Variants in ATRNL1 observed in about 807,000 individuals in gnomAD.
ATRNL1 encodes attractin-like protein 1.
ATRNL1 carries 95 observed loss-of-function variants against 182.7 expected under a neutral mutation model. The ratio of observed to expected loss-of-function variants is 0.52; its 90% confidence interval spans 0.44 to 0.62. ATRNL1 has a LOEUF of 0.62. Among genes scored for constraint, ATRNL1 ranks in the 20% least tolerant of loss-of-function variants. The pLI, the probability that ATRNL1 is intolerant of heterozygous loss-of-function variation, is 0.00. For missense variants in ATRNL1, 1,471 were observed against 1,679.5 expected (o/e 0.88, Z 2.17); for synonymous variants, 576 against 568.3 (o/e 1.01, Z -0.19).
At chr10:115,676,770 A>G (rs1945876686) in intron 26 of ATRNL1, among the ~76,000 whole-genome samples, 1 of 151,942 alleles carries the variant, frequency 6.6e-6, no homozygotes, top group African/African-American at 2.4e-5. Flanking sequence ...AACAGTGGAG[A>G]AAGACGGACA....
intron 27 of ATRNL1, among the ~76,000 whole-genome samples, chr10:115,728,124 A>AG (rs1565324525): frequency 1.4e-5 from 1 of 69,802 alleles, no homozygotes; most frequent in East Asian, 3.8e-4. Context: ...AAAAAAAAAA[A>AG]AAAGAAAAAA....
chr10:115,849,164 C>A (rs1555099823), intron 28 of ATRNL1, among the ~76,000 whole-genome samples: 1 of 152,180 alleles, frequency 6.6e-6, no homozygotes, highest in African/African-American at 2.4e-5. Flanking sequence ...GCAGAAATTT[C>A]TATCCAAAGT....
At chr10:115,733,242 T>C (rs952353544) in intron 27 of ATRNL1, among the ~76,000 whole-genome samples, 6 of 152,294 alleles carry the variant, frequency 3.9e-5, no homozygotes, top group African/African-American at 7.2e-5. Context: ...TCTCTGTATA[T>C]ATTTTAACTA....
chr10:115,722,076 A>T (rs1283709196), intron 26 of ATRNL1, among the ~76,000 whole-genome samples: 1 of 152,238 alleles, frequency 6.6e-6, no homozygotes, highest in Non-Finnish European at 1.5e-5. Context: ...TTTGCAAGTT[A>T]ATACAAATAT....
intron 10 of ATRNL1, among the ~76,000 whole-genome samples, chr10:115,245,961 A>AT (rs1339567949): frequency 6.6e-6 from 1 of 152,194 alleles, no homozygotes; most frequent in Non-Finnish European, 1.5e-5. Context: ...GCTTCATTGT[A>AT]TCCTTTGCTC....
chr10:115,523,581 C>A (rs545809833), intron 25 of ATRNL1, among the ~76,000 whole-genome samples: 29 of 152,188 alleles, frequency 1.9e-4, no homozygotes, highest in Non-Finnish European at 3.7e-4. Context: ...AGCCACATTA[C>A]TTCTTGAGCA....
chr10:115,317,395 G>A (rs1854353381), intron 18 of ATRNL1, among the ~76,000 whole-genome samples: 1 of 152,146 alleles, frequency 6.6e-6, no homozygotes, highest in Non-Finnish European at 1.5e-5. Context: ...AATTCCATAT[G>A]AAATTTAAAG....
chr10:115,096,641 A>G lies in ATRNL1; in HGVS notation c.293+2598A>G, dbSNP rs1051633749. ...ATGGTAACTTAGCTTTTTTTCTACT[A>G]TAGGGATTTCGCCAGGGAATAAAAA... is the stretch of plus-strand genomic sequence containing the variant. On this transcript the variant is annotated intron_variant, in intron 1 of 28. Transcript: ENST00000355044. The G allele has an allele frequency of 1.5e-4, 191 of 1,287,846 alleles. 1 individual carries two copies. The highest frequency in any genetic ancestry group is 1.8e-4 in the Non-Finnish European group (177 of 987,780). The allele number at this position is 1,287,846 out of a possible 1,614,324, so 79.8% of individuals were successfully genotyped here.
intron 7 of ATRNL1, among the ~76,000 whole-genome samples, chr10:115,168,622 T>C (rs1415492324): frequency 2.0e-5 from 3 of 152,172 alleles, no homozygotes; most frequent in African/African-American, 7.2e-5. Context: ...TTTGGAGAAA[T>C]GTCTATTCAA....
At chr10:115,371,316 A>C (rs1365232680) in intron 19 of ATRNL1, among the ~76,000 whole-genome samples, 2 of 149,616 alleles carry the variant, frequency 1.3e-5, no homozygotes, top group Non-Finnish European at 3.0e-5. Context: ...CAGACCCCAG[A>C]ATGGTAGATT....
intron 16 of ATRNL1, 61 bp from the exon 17 acceptor site, chr10:115,301,794 C>A: frequency 1.5e-6 from 2 of 1,378,144 alleles, no homozygotes; most frequent in Non-Finnish European, 1.9e-6. Context: ...AAAGAAAACC[C>A]ATACAATTGT....
intron 28 of ATRNL1, among the ~76,000 whole-genome samples, chr10:115,897,662 T>G (rs1555112816): frequency 6.6e-6 from 1 of 152,140 alleles, no homozygotes; most frequent in Non-Finnish European, 1.5e-5. Flanking sequence ...TTTGTCACCA[T>G]CAGGGAATGC....
chr10:115,122,901 A>G (rs1844806363), intron 3 of ATRNL1, among the ~76,000 whole-genome samples: 1 of 152,174 alleles, frequency 6.6e-6, no homozygotes, highest in Non-Finnish European at 1.5e-5. Flanking sequence ...AATTTATTGT[A>G]ACAATTAAAT....
intron 28 of ATRNL1, among the ~76,000 whole-genome samples, chr10:115,909,148 C>G (rs1044686673): frequency 1.1e-4 from 16 of 151,872 alleles, no homozygotes; most frequent in South Asian, 1.0e-3. Context: ...TCTCTCTCCC[C>G]CTAGGCGCAA....
At chr10:115,567,359 G>A (rs1381658226) in intron 26 of ATRNL1, among the ~76,000 whole-genome samples, 1 of 152,064 alleles carries the variant, frequency 6.6e-6, no homozygotes, top group Non-Finnish European at 1.5e-5. Flanking sequence ...ACTCTTTGAT[G>A]TGTATTGGGA....
intron 1 of ATRNL1, among the ~76,000 whole-genome samples, chr10:115,108,712 C>T (rs919260873): frequency 6.6e-6 from 1 of 152,176 alleles, no homozygotes; most frequent in African/African-American, 2.4e-5. Flanking sequence ...TTCCTGTCAG[C>T]ATTCACCCAT....
intron 27 of ATRNL1, among the ~76,000 whole-genome samples, chr10:115,780,128 G>A (rs1028246490): frequency 2.6e-5 from 4 of 152,158 alleles, no homozygotes; most frequent in Admixed American, 6.5e-5. Flanking sequence ...CCACATGCAC[G>A]GAGAGAGAAT....
At chr10:115,418,897 A>G (rs1214907030) in intron 20 of ATRNL1, among the ~76,000 whole-genome samples, 2 of 152,196 alleles carry the variant, frequency 1.3e-5, no homozygotes, top group African/African-American at 4.8e-5. Flanking sequence ...GACAAACAAA[A>G]GCTGAGGGAA....
intron 8 of ATRNL1, among the ~76,000 whole-genome samples, chr10:115,191,877 G>A (rs1387720000): frequency 1.3e-5 from 2 of 151,892 alleles, no homozygotes; most frequent in Non-Finnish European, 2.9e-5. Flanking sequence ...GTGTGAAAAC[G>A]GGCTAATAAC....
Sources: allele counts gnomAD v4.1 joint callset (sites outside exome capture counted in the v4.1 genomes callset), GRCh38; gene constraint gnomAD v4.1.1; transcripts MANE v1.5; gene names NCBI Gene and HGNC (gene_info 2026-07-23, HGNC 2026-07-21).